Variants in CYP2C19 observed in about 807,000 individuals in gnomAD.
CYP2C19 encodes the protein cytochrome P450 2C19.
Under a neutral mutation model 40.9 loss-of-function variants are expected in CYP2C19, and 59 were observed. The observed-to-expected ratio is 1.44, with a 90% CI of 1.17 to 1.79. CYP2C19 has a LOEUF of 1.79. CYP2C19 is among the 40% of genes most tolerant of loss of function. The pLI is 0.00. For missense variants in CYP2C19, 754 were observed against 596.9 expected, an observed-to-expected ratio of 1.26 and a Z score of -2.74; for synonymous variants, 253 against 208.7, an observed-to-expected ratio of 1.21 and a Z score of -1.83.
intron 3 of CYP2C19, among the ~76,000 whole-genome samples, chr10:94,778,589 G>A (rs1329786775): frequency 1.3e-5 from 2 of 152,276 alleles, no homozygotes; most frequent in East Asian, 3.9e-4. Context: ...CAGTTAGAAT[G>A]GTGATCATTA....
intron 5 of CYP2C19, among the ~76,000 whole-genome samples, chr10:94,813,162 C>T (rs1304964894): frequency 6.6e-6 from 1 of 152,082 alleles, no homozygotes; most frequent in Admixed American, 6.5e-5. Flanking sequence ...TTGAGGTCCA[C>T]TCCAAACCTT....
At chr10:94,824,280 G>T (rs1225490032) in intron 6 of CYP2C19, among the ~76,000 whole-genome samples, 1 of 152,066 alleles carries the variant, frequency 6.6e-6, no homozygotes, top group Non-Finnish European at 1.5e-5. Context: ...CTGAGGGTGT[G>T]TTCAAATATG....
Position 94,775,470 on chromosome 10 carries a change from A to C in CYP2C19, c.412A>C (p.Lys138Gln). Residue 138 changes from lysine (K) to glutamine (Q), a missense_variant, in exon 3 of 9, where the codon AAG becomes CAG. Physicochemically the swap from Lys to Gln is moderately conservative, Grantham distance 53. Transcript: ENST00000371321. ...LMTLRNFGMG[K>Q]RSIEDRVQEE... ...GACGCTGCGGAATTTTGGGATGGGG[A>C]AGAGGAGCATTGAGGACCGTGTTCA... 1.2e-6 allele frequency: 2 copies of C among 1,613,928 alleles called. No homozygotes were observed. Among genetic ancestry groups the C allele is most frequent in the South Asian group, 1.1e-5 (1 of 91,064 alleles).
chr10:94,798,814 A>ATTTTT (rs61240923), intron 5 of CYP2C19, among the ~76,000 whole-genome samples: 74 of 67,662 alleles, frequency 1.1e-3, no homozygotes, highest in East Asian at 2.2e-3. Flanking sequence ...GCAACCCCTG[A>ATTTTT]TTTTTTTTTT....
At chr10:94,841,857 G>A (rs1271219191) in intron 6 of CYP2C19, among the ~76,000 whole-genome samples, 4 of 152,134 alleles carry the variant, frequency 2.6e-5, no homozygotes, top group Non-Finnish European at 1.5e-5. Flanking sequence ...CAGAGAAGAT[G>A]CTTGATATTA....
rs1849435752 is a variant in CYP2C19, at chr10:94,838,261, G to A, written c.962-4576G>A. Reference sequence around the variant, plus strand: ...CACTGGGAACTGCCTGCTGGCCTGTGGGGAATCATTCTCTTTCCTCTGATG... The same window carrying A: ...CACTGGGAACTGCCTGCTGGCCTGTAGGGAATCATTCTCTTTCCTCTGATG... On this transcript the variant is annotated intron_variant, in intron 6 of 8. Transcript: ENST00000371321. Among the ~76,000 whole-genome samples the A allele has an allele frequency of 2.6e-5, 4 of 152,206 alleles. No homozygotes were observed. The South Asian group carries it at 8.3e-4, about 32-fold the overall frequency.
Position 94,775,735 on chromosome 10 carries a change from A to T in CYP2C19, c.481+196A>T. 3.6e-6 allele frequency: 3 copies of T among 823,410 alleles called. No individual in the cohort carries two copies. In the South Asian group the frequency reaches 5.4e-5, roughly 15 times the overall value. The allele number at this position is 823,410 out of a possible 1,614,324, so 51.0% of individuals were successfully genotyped here. A position where few individuals can be genotyped will look rare whatever the true frequency, so the allele number is the denominator to read the frequency against. On this transcript the variant is annotated intron_variant, in intron 3 of 8. Transcript: ENST00000371321. ...TGTGTGTGTACAGGCATGATTGTGCATACAGTGTGGGTATAAAAGTTCATT... is the reference window on the plus strand; with the variant it reads ...TGTGTGTGTACAGGCATGATTGTGCTTACAGTGTGGGTATAAAAGTTCATT...
intron 5 of CYP2C19, among the ~76,000 whole-genome samples, chr10:94,811,816 C>A (rs1387527678): frequency 1.3e-5 from 2 of 151,788 alleles, no homozygotes; most frequent in Admixed American, 6.6e-5. Context: ...ATTGATGGGT[C>A]TTGACTCTAT....
At chr10:94,819,037 A>G (rs1849065994) in intron 5 of CYP2C19, among the ~76,000 whole-genome samples, 1 of 149,296 alleles carries the variant, frequency 6.7e-6, no homozygotes, top group Non-Finnish European at 1.5e-5. Context: ...ATAACAAACT[A>G]TCTCTCAGAC....
chr10:94,828,086 ATG>A, intron 6 of CYP2C19, among the ~76,000 whole-genome samples: 1 of 152,140 alleles, frequency 6.6e-6, no homozygotes, highest in Middle Eastern at 3.4e-3. Context: ...ACTTCCAACT[ATG>A]TGGTCAATTT....
chr10:94,789,136 G>T (rs1173438960), intron 5 of CYP2C19, among the ~76,000 whole-genome samples: 1 of 151,866 alleles, frequency 6.6e-6, no homozygotes, highest in Non-Finnish European at 1.5e-5. Context: ...TGGCCACATA[G>T]ATGTCTTCTT....
At chr10:94,847,509 G>T (rs559300268) in intron 7 of CYP2C19, among the ~76,000 whole-genome samples, 1 of 152,122 alleles carries the variant, frequency 6.6e-6, no homozygotes, top group Non-Finnish European at 1.5e-5. Flanking sequence ...CCAAGTCGTT[G>T]CTATTGTGAG....
rs140326669 is a variant in CYP2C19, at chr10:94,791,422, T to C, written c.819+9425T>C. On this transcript the variant is annotated intron_variant, in intron 5 of 8. Coordinates refer to ENST00000371321, the MANE Select transcript of CYP2C19 (RefSeq NM_000769.4). ...TCTTCTGCTAGCTTTTGAATATATT[T>C]GCTCTTGCTTCTCTAGTTCTTTTAA... is the stretch of plus-strand genomic sequence containing the variant. Among the ~76,000 whole-genome samples the C allele has an allele frequency of 8.9e-3, 1,362 of 152,278 alleles. 22 individuals are homozygous for C. The highest frequency in any genetic ancestry group is 0.03 in the African/African-American group (1,236 of 41,564).
intron 1 of CYP2C19, among the ~76,000 whole-genome samples, chr10:94,770,198 C>G (rs1454862397): frequency 6.6e-6 from 1 of 152,128 alleles, no homozygotes; most frequent in East Asian, 1.9e-4. Context: ...ACCCTGGGCA[C>G]CCTGAGTCCT....
At chr10:94,828,838 A>C (rs2134275866) in intron 6 of CYP2C19, among the ~76,000 whole-genome samples, 1 of 152,044 alleles carries the variant, frequency 6.6e-6, no homozygotes, top group South Asian at 2.1e-4. Context: ...TTCCTTCAGG[A>C]GTTCTTGTAA....
At chr10:94,789,366 A>G (rs1216640571) in intron 5 of CYP2C19, among the ~76,000 whole-genome samples, 1 of 151,806 alleles carries the variant, frequency 6.6e-6, no homozygotes, top group Non-Finnish European at 1.5e-5. Flanking sequence ...TCATTAGTCA[A>G]TTTTGGTTTT....
At chr10:94,842,242 A>G (rs984466713) in intron 6 of CYP2C19, among the ~76,000 whole-genome samples, 1 of 151,558 alleles carries the variant, frequency 6.6e-6, no homozygotes, top group African/African-American at 2.4e-5. Context: ...ATCAATTGTC[A>G]TATTCTTTGT....
At chr10:94,775,731 G>A (rs1169343134) in intron 3 of CYP2C19, 192 bp downstream of exon 3, 5 of 835,908 alleles carry the variant, frequency 6.0e-6, no homozygotes, top group Admixed American at 2.7e-5. Context: ...AGGCATGATT[G>A]TGCATACAGT....
rs930615038 is a variant in CYP2C19 at position 94,854,785 on chromosome 10, T to C, written c.*1871T>C. Among the ~76,000 whole-genome samples, 1 of 152,164 alleles carries C rather than the reference T, an allele frequency of 6.6e-6. No homozygotes were observed. Among genetic ancestry groups the C allele is most frequent in the Non-Finnish European group, 1.5e-5 (1 of 68,036 alleles). On this transcript the variant is annotated 3_prime_UTR_variant, in exon 9 of 9. Transcript: ENST00000371321. Reference sequence around the variant, plus strand: ...TAAAACTTGCTATTTTCCTACCAAGTAATATGCCAGCAAAACCTCTAAGGT... The same window carrying C: ...TAAAACTTGCTATTTTCCTACCAAGCAATATGCCAGCAAAACCTCTAAGGT...
Sources: gnomAD v4.1 joint callset for allele counts (sites outside exome capture counted in the v4.1 genomes callset) on GRCh38, gnomAD v4.1.1 for gene constraint, MANE v1.5 for transcripts, NCBI Gene and HGNC (gene_info 2026-07-23, HGNC 2026-07-21) for gene names.